MRTFA: variants seen among roughly 807,000 people sequenced by gnomAD.
The protein encoded by MRTFA is myocardin related transcription factor A.
Under a neutral mutation model 83.5 loss-of-function variants are expected in MRTFA, and 20 were observed. The ratio of observed to expected loss-of-function variants is 0.24; its 90% CI spans 0.17 to 0.35. MRTFA has a LOEUF of 0.35. MRTFA is among the 10% of genes least tolerant of loss of function. The pLI is 1.00. For synonymous variants in MRTFA, 659 were observed against 541.2 expected (o/e 1.22, Z -3.02); for missense variants, 1,200 against 1,224.7 (o/e 0.98, Z 0.30).
At chr22:40,516,073 T>TTCC (rs2054752833) in intron 3 of MRTFA, among the ~76,000 whole-genome samples, 1 of 152,112 alleles carries the variant, frequency 6.6e-6, no homozygotes, top group African/African-American at 2.4e-5. Flanking sequence ...AATGGAAGAT[T>TTCC]ATTTGCAAAC....
At chr22:40,538,496 C>G (rs1397778883) in intron 3 of MRTFA, among the ~76,000 whole-genome samples, 1 of 149,784 alleles carries the variant, frequency 6.7e-6, no homozygotes, top group Non-Finnish European at 1.5e-5. Context: ...ATCTGCTGAC[C>G]TTCCCTCCAC....
intron 4 of MRTFA, among the ~76,000 whole-genome samples, chr22:40,439,327 A>G (rs1468878426): frequency 6.6e-6 from 1 of 151,854 alleles, no homozygotes; most frequent in Non-Finnish European, 1.5e-5. Context: ...AAATGGCAAA[A>G]CCATGTCTCT....
chr22:40,454,877 T>C (rs1479705408), intron 4 of MRTFA, among the ~76,000 whole-genome samples: 1 of 152,360 alleles, frequency 6.6e-6, no homozygotes, highest in South Asian at 2.1e-4. Flanking sequence ...CACTGCAACC[T>C]TGACCTTCTG....
intron 1 of MRTFA, among the ~76,000 whole-genome samples, chr22:40,616,873 C>T (rs1025071715): frequency 1.3e-5 from 2 of 151,808 alleles, no homozygotes; most frequent in African/African-American, 2.4e-5. Context: ...CTGAAGCAGG[C>T]GGATCACTTA....
chr22:40,437,622 G>T (rs1261244376), intron 4 of MRTFA, among the ~76,000 whole-genome samples: 1 of 152,016 alleles, frequency 6.6e-6, no homozygotes, highest in South Asian at 2.1e-4. Context: ...TTTTGTACAG[G>T]CATGGTAGAG....
intron 1 of MRTFA, among the ~76,000 whole-genome samples, chr22:40,617,183 A>ACGG (rs1350476368): frequency 1.6e-5 from 1 of 63,242 alleles, no homozygotes; most frequent in Non-Finnish European, 2.8e-5. Flanking sequence ...GGAAGGAGGG[A>ACGG]AGGAGGGAGG....
chr22:40,435,447 G>A, intron 5 of MRTFA, 52 bp downstream of exon 5: 1 of 1,563,312 alleles, frequency 6.4e-7, no homozygotes, highest in Non-Finnish European at 8.8e-7. Context: ...GCAATGCAAT[G>A]AGCTCTGAAA....
intron 2 of MRTFA, among the ~76,000 whole-genome samples, chr22:40,579,107 C>T (rs2147356856): frequency 6.6e-6 from 1 of 152,086 alleles, no homozygotes; most frequent in East Asian, 1.9e-4. Flanking sequence ...GACTCCAACT[C>T]TAAAAAGAAG....
chr22:40,523,626 C>T (rs151256539), intron 3 of MRTFA: 51 of 152,346 alleles, frequency 3.3e-4, no homozygotes, highest in African/African-American at 1.2e-3. Flanking sequence ...AGCTGTGAGC[C>T]ACTGCACCCG....
At position 40,604,563 on chromosome 22, in the gene MRTFA, A is replaced by G. The variant is rs1198199429; in HGVS notation, c.-83-9828T>C. Among the ~76,000 whole-genome samples, 5 of 152,030 alleles carry G rather than the reference A, an allele frequency of 3.3e-5. No homozygotes were observed. In the East Asian group the frequency reaches 9.8e-4, roughly 30 times the overall value. ...GGAGTTTGAGACCAGCATGACCAAC[A>G]TGGTGAAACCTCGTCTCTACTAAAA... On this transcript the variant is annotated intron_variant, in intron 1 of 14. Transcript: ENST00000355630.
chr22:40,538,364 A>T (rs2055225638), intron 3 of MRTFA, among the ~76,000 whole-genome samples: 1 of 147,550 alleles, frequency 6.8e-6, no homozygotes, highest in African/African-American at 2.5e-5. Flanking sequence ...AGATGCTTGA[A>T]GGCAGCATGC....
rs548864750 is a variant in MRTFA, at chr22:40,497,708, G to A, written c.242-34422C>T. The stretch of plus-strand genomic sequence containing the variant: ...GCGGAGGTTGCAGTGAGCTGAGATC[G>A]CACCACTGCACTTCAGCCTGGGCAA... On this transcript the variant is annotated intron_variant, in intron 3 of 14. Coordinates refer to ENST00000355630, the MANE Select transcript of MRTFA (RefSeq NM_020831.6). Among the ~76,000 whole-genome samples, 5 of 151,648 alleles carry A rather than the reference G, an allele frequency of 3.3e-5. No homozygotes were observed. In the East Asian group the frequency reaches 5.8e-4, roughly 18 times the overall value.
chr22:40,455,142 A>C (rs1185279227), intron 4 of MRTFA, among the ~76,000 whole-genome samples: 1 of 152,200 alleles, frequency 6.6e-6, no homozygotes, highest in East Asian at 1.9e-4. Context: ...GCCAAATGTG[A>C]CTATTTAATT....
intron 3 of MRTFA, among the ~76,000 whole-genome samples, chr22:40,529,536 C>T (rs2055038930): frequency 2.0e-5 from 3 of 151,996 alleles, no homozygotes; most frequent in Admixed American, 2.0e-4. Flanking sequence ...AGGCTGGTCT[C>T]GAACTCCTGA....
In MRTFA at chr22:40,416,860, C is replaced by T; in HGVS notation, c.2578+126G>A. The T allele has an allele frequency of 1.1e-6, 1 of 874,488 alleles. No homozygotes were observed. Among genetic ancestry groups the T allele is most frequent in the Admixed American group, 2.5e-5 (1 of 39,914 alleles). 54.2% of individuals were successfully genotyped at this position (874,488 alleles called of 1,614,324 possible). On this transcript the variant is annotated intron_variant, in intron 14 of 14. Coordinates refer to ENST00000355630, the MANE Select transcript of MRTFA (RefSeq NM_020831.6). This position sits in a 1 kb window ranked among gnomAD's most constrained non-coding sequence, Gnocchi z 4.2. Reference sequence around the variant, plus strand: ...ACGGGAGGGCTCACAGCCACCACTGCATCCACAGTGCTTGCCCAAGACTGG... The same window carrying T: ...ACGGGAGGGCTCACAGCCACCACTGTATCCACAGTGCTTGCCCAAGACTGG...
intron 2 of MRTFA, among the ~76,000 whole-genome samples, chr22:40,557,352 A>G (rs2147321315): frequency 6.6e-6 from 1 of 152,342 alleles, no homozygotes; most frequent in Admixed American, 6.5e-5. Context: ...TCATGGTTTC[A>G]TATAAAAAGT....
chr22:40,518,324 T>TG (rs1002507252), intron 3 of MRTFA, among the ~76,000 whole-genome samples: 10 of 151,620 alleles, frequency 6.6e-5, no homozygotes, highest in Non-Finnish European at 1.5e-4. Context: ...CCTTAACCTG[T>TG]GGGGGTCTGC....
rs1296523253 is a variant in MRTFA, at chr22:40,420,841, G to A, written c.1181+6C>T. 3 of 1,613,366 alleles carry A rather than the reference G, an allele frequency of 1.9e-6. No individual in the cohort carries two copies. Among genetic ancestry groups the A allele is most frequent in the Admixed American group, 3.3e-5 (2 of 60,020 alleles). On this transcript the variant is annotated splice_donor_region_variant and intron_variant, in intron 10 of 14. Transcript: ENST00000355630. ...CAGGGGCAGGCAGTGAGGAGCGGGT[G>A]CCTACTTTGGCGGGGCAGGCAGGAT...
intron 2 of MRTFA, among the ~76,000 whole-genome samples, chr22:40,563,622 G>T (rs1027786441): frequency 6.6e-6 from 1 of 152,106 alleles, no homozygotes. Context: ...CAGCACTTTG[G>T]GAAGCCAAGC....
Sources: gnomAD v4.1 joint callset for allele counts (sites outside exome capture counted in the v4.1 genomes callset) on GRCh38, gnomAD v4.1.1 for gene constraint, Gnocchi (gnomAD v3.1) non-coding constraint, MANE v1.5 for transcripts, NCBI Gene and HGNC (gene_info 2026-07-23, HGNC 2026-07-21) for gene names.